The following FER variants were observed in gnomAD, a reference collection of about 807,000 sequenced individuals.
The protein encoded by FER is FER tyrosine kinase, also known as tyrosine-protein kinase Fer.
FER carries 63 observed loss-of-function variants against 111.0 expected under a neutral mutation model. That is an observed-to-expected ratio of 0.57 (90% CI 0.46 to 0.70). FER has a LOEUF of 0.70. Among genes scored for constraint, FER ranks in the 30% least tolerant of loss-of-function variants. The pLI is 0.00. For missense variants in FER, 914 were observed against 954.0 expected, an observed-to-expected ratio of 0.96 and a Z score of 0.55; for synonymous variants, 327 against 313.9, an observed-to-expected ratio of 1.04 and a Z score of -0.44.
intron 5 of FER, among the ~76,000 whole-genome samples, chr5:108,838,920 A>G (rs1025416964): frequency 6.6e-6 from 1 of 152,174 alleles, no homozygotes; most frequent in African/African-American, 2.4e-5. Flanking sequence ...ACATTAGTTG[A>G]TTGATTATTA....
intron 13 of FER, among the ~76,000 whole-genome samples, chr5:108,970,421 C>T (rs912263096): frequency 1.3e-5 from 2 of 151,736 alleles, no homozygotes; most frequent in Non-Finnish European, 2.9e-5. Context: ...GGGGTTTTGC[C>T]GTGTTAGCCA....
intron 17 of FER, among the ~76,000 whole-genome samples, chr5:109,154,225 CA>C (rs1755134359): frequency 6.6e-6 from 1 of 151,870 alleles, no homozygotes; most frequent in African/African-American, 2.4e-5. Flanking sequence ...ATAGCTATAA[CA>C]GTTACAAACC....
intron 3 of FER, among the ~76,000 whole-genome samples, chr5:108,799,936 G>A (rs1756450003): frequency 1.3e-5 from 2 of 150,380 alleles, no homozygotes; most frequent in Non-Finnish European, 1.5e-5. Context: ...TCTGCCTCCC[G>A]GGTTCAGGTG....
intron 16 of FER, among the ~76,000 whole-genome samples, chr5:109,070,672 A>G (rs1033833827): frequency 1.5e-4 from 23 of 152,020 alleles, no homozygotes; most frequent in Admixed American, 1.3e-3. Flanking sequence ...ATTTAGACTC[A>G]ATACTTGGGA....
chr5:108,757,588 G>A (rs1049343070), intron 1 of FER, among the ~76,000 whole-genome samples: 1 of 152,152 alleles, frequency 6.6e-6, no homozygotes, highest in Admixed American at 6.5e-5. Flanking sequence ...TTTTCATTGA[G>A]TGTTCCAGCT....
intron 5 of FER, among the ~76,000 whole-genome samples, chr5:108,865,829 G>GA (rs2150229887): frequency 6.6e-6 from 1 of 152,240 alleles, no homozygotes; most frequent in South Asian, 2.1e-4. Flanking sequence ...AAAGACACAT[G>GA]AAAAAATGCT....
intron 17 of FER, among the ~76,000 whole-genome samples, chr5:109,102,515 A>G (rs763347333): frequency 1.5e-4 from 23 of 152,158 alleles, no homozygotes; most frequent in Non-Finnish European, 3.1e-4. Context: ...GTATTAACAC[A>G]CACGCCCCAA....
At chr5:108,955,116 CAT>C (rs1008722091) in intron 12 of FER, among the ~76,000 whole-genome samples, 184 bp downstream of exon 12, 8 of 151,502 alleles carry the variant, frequency 5.3e-5, no homozygotes, top group South Asian at 2.1e-4. Context: ...TTTAAGGAAA[CAT>C]GTATTTAGTA....
intron 16 of FER, among the ~76,000 whole-genome samples, chr5:109,097,016 A>G (rs1174743406): frequency 6.7e-6 from 1 of 148,730 alleles, no homozygotes; most frequent in East Asian, 1.9e-4. Context: ...GTATAATAGT[A>G]TAATAAATAG....
chr5:109,180,671 A>G (rs1293505341), intron 17 of FER, 76 bp from the exon 18 acceptor site: 1 of 1,462,028 alleles, frequency 6.8e-7, no homozygotes, highest in Non-Finnish European at 9.2e-7. Context: ...AAAAATGCAA[A>G]GTGTGGAAAT....
chr5:108,755,301 G>GT (rs565222560), intron 1 of FER, among the ~76,000 whole-genome samples: 229 of 152,318 alleles, frequency 1.5e-3, no homozygotes, highest in African/African-American at 5.3e-3. Flanking sequence ...ATGCTTTTCT[G>GT]TATGCTTCTG....
chr5:108,921,200 T>C (rs965841842), intron 10 of FER, among the ~76,000 whole-genome samples: 1 of 152,218 alleles, frequency 6.6e-6, no homozygotes, highest in African/African-American at 2.4e-5. Flanking sequence ...TTTAGTATCT[T>C]TACTATTTCT....
At chr5:109,100,261 A>C (rs1213025941) in intron 16 of FER, 135 bp from the exon 17 acceptor site, 21 of 999,882 alleles carry the variant, frequency 2.1e-5, no homozygotes, top group Non-Finnish European at 2.8e-5. Flanking sequence ...CCTCACGTCA[A>C]ACAAATTGGG....
chr5:108,748,544 G>C, intron 1 of FER: 1 of 152,564 alleles, frequency 6.6e-6, no homozygotes, highest in Admixed American at 6.5e-5. Flanking sequence ...ATCTCACCAC[G>C]GCAGCCCAGG....
At chr5:109,176,979 A>T (rs1757771273) in intron 17 of FER, among the ~76,000 whole-genome samples, 1 of 152,224 alleles carries the variant, frequency 6.6e-6, no homozygotes, top group Non-Finnish European at 1.5e-5. Context: ...AAGTTTTTAT[A>T]ATAATGTATG....
intron 10 of FER, among the ~76,000 whole-genome samples, chr5:108,945,775 A>G (rs892611313): frequency 5.9e-5 from 9 of 152,030 alleles, no homozygotes; most frequent in South Asian, 4.1e-4. Context: ...AGTCTGTTAA[A>G]TAGGTTCCTT....
In FER at chr5:108,876,891, C is replaced by T. The variant is rs550186439; in HGVS notation, c.923+4679C>T. On this transcript the variant is annotated intron_variant, in intron 8 of 19. Coordinates refer to ENST00000281092, the MANE Select transcript of FER (RefSeq NM_005246.4). ...TCTTCTCATTAAGAGACTTGCATTA[C>T]GATAACATGTGCCCAGTTATTACTG... Among the ~76,000 whole-genome samples, 70 of 152,234 alleles carry T rather than the reference C, an allele frequency of 4.6e-4. 1 individual carries two copies. Among genetic ancestry groups the T allele is most frequent in the African/African-American group, 1.6e-3 (65 of 41,538 alleles).
At chr5:108,934,004 C>T (rs1007281749) in intron 10 of FER, among the ~76,000 whole-genome samples, 10 of 152,104 alleles carry the variant, frequency 6.6e-5, no homozygotes, top group Non-Finnish European at 1.0e-4. Context: ...TTGGCTGAGA[C>T]GATGGCGTTT....
intron 11 of FER, among the ~76,000 whole-genome samples, chr5:108,949,282 T>C (rs1481848970): frequency 1.3e-5 from 2 of 152,084 alleles, no homozygotes; most frequent in Non-Finnish European, 2.9e-5. Flanking sequence ...CCTTGTACTT[T>C]CTTTAATCAA....
Sources: allele counts gnomAD v4.1 joint callset (sites outside exome capture counted in the v4.1 genomes callset), GRCh38; gene constraint gnomAD v4.1.1; transcripts MANE v1.5; gene names NCBI Gene and HGNC (gene_info 2026-07-23, HGNC 2026-07-21).